The following JCAD variants were observed in gnomAD, a reference collection of about 807,000 sequenced individuals.
The protein encoded by JCAD is junctional cadherin 5 associated.
A neutral mutation model predicts 98.0 loss-of-function variants in JCAD; 40 were observed. That is an observed-to-expected ratio of 0.41 (90% CI 0.32 to 0.53). The LOEUF (loss-of-function observed/expected upper bound fraction) is 0.53, where lower values mean the gene tolerates loss of function less well. JCAD is among the 20% of genes least tolerant of loss of function. JCAD has a pLI of 0.31. For synonymous variants in JCAD, 691 were observed against 682.3 expected (o/e 1.01, Z -0.20); for missense variants, 1,705 against 1,738.1 (o/e 0.98, Z 0.34).
chr10:30,080,880 G>T (rs1422805608), intron 1 of JCAD, among the ~76,000 whole-genome samples: 1 of 152,214 alleles, frequency 6.6e-6, no homozygotes, highest in Non-Finnish European at 1.5e-5. Flanking sequence ...TGGTCAAACA[G>T]CATCTTCCTG....
chr10:30,050,470 C>A (rs1837446458), intron 1 of JCAD, among the ~76,000 whole-genome samples: 1 of 152,052 alleles, frequency 6.6e-6, no homozygotes. Context: ...TTAGGTCTCA[C>A]AACACTCAGT....
Position 30,028,637 on chromosome 10 carries a change from G to T in JCAD, c.1511C>A (p.Pro504His), listed in dbSNP as rs1426579806. 6.2e-7 allele frequency: 1 copy of T among 1,608,606 alleles called. No homozygotes were observed. The highest frequency in any genetic ancestry group is 8.5e-7 in the Non-Finnish European group (1 of 1,177,308). Residue 504 changes from proline to histidine, a missense_variant, in exon 3 of 4, where the codon CCC becomes CAC. Around this residue, in one of 3 missense-constraint regions of JCAD, gnomAD observed 1,278 missense variants for 1,243.1 expected, o/e 1.03. Coordinates refer to ENST00000375377, the MANE Select transcript of JCAD (RefSeq NM_020848.4). Reference sequence around the variant, plus strand: ...GCCACTGTTTTCCCCATCCCCGGGGGGCTGGCCCCACAGCCACCGGGGGCT... The same window carrying T: ...GCCACTGTTTTCCCCATCCCCGGGGTGCTGGCCCCACAGCCACCGGGGGCT... The part of the protein sequence containing the change: ...DSSPRWLWGQ[P>H]PGDGENSGLP...
At chr10:30,079,537 C>T (rs1838042459) in intron 1 of JCAD, among the ~76,000 whole-genome samples, 1 of 152,070 alleles carries the variant, frequency 6.6e-6, no homozygotes, top group Admixed American at 6.6e-5. Context: ...CACCATTGCC[C>T]CTGTCTAGGC....
At chr10:30,053,986 T>C (rs1172860910) in intron 1 of JCAD, among the ~76,000 whole-genome samples, 2 of 152,060 alleles carry the variant, frequency 1.3e-5, no homozygotes, top group East Asian at 3.9e-4. Flanking sequence ...GGCTTGAACT[T>C]GGGAGGCAAA....
In JCAD at chr10:30,026,527, T is replaced by G; in HGVS notation, c.3621A>C (p.Glu1207Asp). The G allele has an allele frequency of 6.2e-7, 1 of 1,614,232 alleles. No individual in the cohort carries two copies. Among genetic ancestry groups the G allele is most frequent in the South Asian group, 1.1e-5 (1 of 91,084 alleles). ...AAGTGGACCTGAAGGGTGGTTTTGTTTCCACATCCTTTTGTTCGAAGAACT... is the reference window on the plus strand; with the variant it reads ...AAGTGGACCTGAAGGGTGGTTTTGTGTCCACATCCTTTTGTTCGAAGAACT... Reference protein sequence around the residue: ...ESKFFEQKDVETKPPFRSTLF... With the variant: ...ESKFFEQKDVDTKPPFRSTLF... Residue 1207 changes from glutamate to aspartate, a missense_variant, in exon 3 of 4, where the codon GAA becomes GAC. By Grantham distance (45) the Glu-to-Asp change is conservative. Around this residue, in one of 3 missense-constraint regions of JCAD, gnomAD observed 1,278 missense variants for 1,243.1 expected, o/e 1.03. Coordinates refer to ENST00000375377, the MANE Select transcript of JCAD (RefSeq NM_020848.4).
intron 1 of JCAD, among the ~76,000 whole-genome samples, chr10:30,057,138 T>C (rs577197272): frequency 2.1e-4 from 32 of 152,266 alleles, no homozygotes; most frequent in African/African-American, 7.2e-4. Flanking sequence ...AACAATTGTT[T>C]CACTCCAACG....
chr10:30,022,162 G>C (rs936239406), intron 3 of JCAD, among the ~76,000 whole-genome samples: 4 of 152,134 alleles, frequency 2.6e-5, no homozygotes, highest in Non-Finnish European at 5.9e-5. Flanking sequence ...TTAACCAGAG[G>C]CATGAAAGAC....
intron 1 of JCAD, among the ~76,000 whole-genome samples, chr10:30,087,331 C>T (rs899570495): frequency 6.6e-6 from 1 of 152,090 alleles, no homozygotes; most frequent in Admixed American, 6.6e-5. Context: ...CCCACCTACT[C>T]AGGAGGCTGA....
At chr10:30,089,131 T>C (rs770346947) in intron 1 of JCAD, among the ~76,000 whole-genome samples, 2 of 152,180 alleles carry the variant, frequency 1.3e-5, no homozygotes, top group South Asian at 4.1e-4. Context: ...GTATGATGGA[T>C]TGAGCACTGT....
At position 30,047,630 on chromosome 10, in the gene JCAD, C is replaced by T. The variant is rs1265954200; in HGVS notation, c.183G>A (p.Ala61=). 6.2e-6 allele frequency: 10 copies of T among 1,614,050 alleles called. No individual in the cohort carries two copies. The highest frequency in any genetic ancestry group is 1.6e-4 in the Middle Eastern group (1 of 6,084). The change falls in exon 2 of 4, where the codon GCG becomes GCA. Residue 61 remains alanine, a synonymous_variant. Coordinates refer to ENST00000375377, the MANE Select transcript of JCAD (RefSeq NM_020848.4). The part of the protein sequence containing the change: ...PAALAHRKTS[A]GKGHVSDSES... Reference sequence around the variant, plus strand: ...CGGAGTCACTCACATGTCCTTTCCCCGCGGACGTCTTACGATGTGCGAGGG... The same window carrying T: ...CGGAGTCACTCACATGTCCTTTCCCTGCGGACGTCTTACGATGTGCGAGGG...
chr10:30,019,372 A>G (rs900456020), intron 3 of JCAD, among the ~76,000 whole-genome samples: 18 of 151,274 alleles, frequency 1.2e-4, no homozygotes, highest in Admixed American at 3.3e-4. Flanking sequence ...AAAAAAAAAA[A>G]AAAAAGAAAA....
chr10:30,115,273 G>T (rs1838772329), intron 1 of JCAD: 1 of 152,134 alleles, frequency 6.6e-6, no homozygotes, highest in Non-Finnish European at 1.5e-5. Flanking sequence ...CCAGCACAAA[G>T]CTAGAAAGCA....
At chr10:30,061,317 C>T (rs188741283), upstream of JCAD, among the ~76,000 whole-genome samples, 71 of 152,164 alleles carry the variant, frequency 4.7e-4, no homozygotes, top group African/African-American at 1.6e-3. Flanking sequence ...ACAAGGCAGG[C>T]GGATCACCGG....
In JCAD at chr10:30,026,648, C is replaced by T. The variant is rs1836810765; in HGVS notation, c.3500G>A (p.Arg1167Lys). The change falls in exon 3 of 4, where the codon AGG (arginine) becomes AAG (lysine). Residue 1167 changes from arginine to lysine, a missense_variant. Physicochemically the swap from Arg to Lys is conservative, Grantham distance 26. Coordinates refer to ENST00000375377, the MANE Select transcript of JCAD (RefSeq NM_020848.4). ...PLFVGDRDSA[R>K]RAPQAFEHSD... is the part of the protein sequence containing the mutation. ...GTGCTCAAAAGCCTGAGGAGCCCGC[C>T]TGGCACTGTCCCTGTCCCCTACAAA... 3 of 1,613,046 alleles carry T rather than the reference C, an allele frequency of 1.9e-6. No homozygotes were observed. The African/African-American group carries it at 4.0e-5, about 22-fold the overall frequency.
chr10:30,021,781 G>C (rs2132604573), intron 3 of JCAD, among the ~76,000 whole-genome samples: 1 of 152,296 alleles, frequency 6.6e-6, no homozygotes, highest in African/African-American at 2.4e-5. Flanking sequence ...CTAGAGGGTA[G>C]GGTGGTTACC....
At chr10:30,043,870 C>G (rs1837286935) in intron 2 of JCAD, among the ~76,000 whole-genome samples, 1 of 152,214 alleles carries the variant, frequency 6.6e-6, no homozygotes, top group Non-Finnish European at 1.5e-5. Context: ...CACTGAGCAG[C>G]CATTGATGGC....
At chr10:30,067,695 C>T (rs779998144) in intron 2 of JCAD, among the ~76,000 whole-genome samples, 13 of 152,154 alleles carry the variant, frequency 8.5e-5, no homozygotes, top group Admixed American at 2.0e-4. Context: ...TTATGTCCTT[C>T]GATGTACAAA....
At chr10:30,053,558 T>A (rs1837510391) in intron 1 of JCAD, among the ~76,000 whole-genome samples, 1 of 88,516 alleles carries the variant, frequency 1.1e-5, no homozygotes, top group South Asian at 4.0e-4. Context: ...ATACTCTGTC[T>A]CAAAAAAAAA....
intron 1 of JCAD, among the ~76,000 whole-genome samples, chr10:30,088,334 A>G (rs1261118643): frequency 4.6e-5 from 7 of 152,140 alleles, no homozygotes; most frequent in Non-Finnish European, 8.8e-5. Context: ...GTTGGAGCTA[A>G]AACAGTCACC....
Sources: gnomAD v4.1 joint callset for allele counts (sites outside exome capture counted in the v4.1 genomes callset) on GRCh38, gnomAD v4.1.1 for gene constraint, gnomAD v4.1.1 regional missense constraint, MANE v1.5 for transcripts, NCBI Gene and HGNC (gene_info 2026-07-23, HGNC 2026-07-21) for gene names.